DAB1: variants seen among roughly 807,000 people sequenced by gnomAD.
DAB1 encodes disabled homolog 1.
Under a neutral mutation model 64.6 loss-of-function variants are expected in DAB1, and 15 were observed. The ratio of observed to expected loss-of-function variants is 0.23; its 90% CI spans 0.16 to 0.36. The LOEUF is 0.36. DAB1 is among the 10% of genes least tolerant of loss of function. The pLI is 1.00. For missense variants in DAB1, 596 were observed against 706.7 expected, an observed-to-expected ratio of 0.84 and a Z score of 1.78; for synonymous variants, 235 against 251.9, an observed-to-expected ratio of 0.93 and a Z score of 0.64.
Position 57,071,570 on chromosome 1 carries a change from T to C in DAB1, c.510A>G (p.Leu170=). The C allele has an allele frequency of 6.2e-7, 1 of 1,613,986 alleles. No homozygotes were observed. The highest frequency in any genetic ancestry group is 8.5e-7 in the Non-Finnish European group (1 of 1,179,912). The change falls in exon 6 of 15, where the codon TTA becomes TTG. Residue 170 remains leucine (L), a synonymous_variant. Coordinates refer to ENST00000371236, the MANE Select transcript of DAB1 (RefSeq NM_001365792.1). ...LIYELKQREE[L]EKKAQKDKQC... ...GCTTATCCTTTTGTGCCTTTTTTTC[T>C]AATTCTTCTCTTTGCTTCAATTCAT...
chr1:57,153,608 A>T lies in DAB1; in HGVS notation c.68-8179T>A, dbSNP rs537292953. Among the ~76,000 whole-genome samples the T allele has an allele frequency of 1.5e-4, 21 of 143,134 alleles. 1 individual carries two copies. The South Asian group carries it at 4.5e-3, about 30-fold the overall frequency. 93.9% of individuals were successfully genotyped at this position (143,134 alleles called of 152,430 possible). On this transcript the variant is annotated intron_variant, in intron 2 of 14. Transcript: ENST00000371236. ...ATTTTAATTTTTCTGGTTACATAGT[A>T]GGTATATGTATGGGGTTTTTTTTTT...
intron 4 of DAB1, among the ~76,000 whole-genome samples, chr1:58,291,940 A>G (rs190137150): frequency 5.9e-4 from 90 of 152,336 alleles, no homozygotes; most frequent in Non-Finnish European, 1.0e-3. Context: ...GGATGAGATT[A>G]TCATCTGGAT....
intron 6 of DAB1, among the ~76,000 whole-genome samples, chr1:57,741,174 G>T (rs540240410): frequency 6.6e-6 from 1 of 151,964 alleles, no homozygotes; most frequent in South Asian, 2.1e-4. Flanking sequence ...GTCTACAGAA[G>T]GTATAAAGTC....
At chr1:58,477,159 G>A (rs555475184) in intron 3 of DAB1, among the ~76,000 whole-genome samples, 13 of 152,206 alleles carry the variant, frequency 8.5e-5, no homozygotes, top group African/African-American at 1.2e-4. Flanking sequence ...TCTCCCCTAC[G>A]AGTAAATGAT....
chr1:57,441,332 C>CT (rs1553182305), intron 7 of DAB1, among the ~76,000 whole-genome samples: 1 of 69,342 alleles, frequency 1.4e-5, no homozygotes, highest in South Asian at 5.5e-4. Context: ...TTTCCTCCTT[C>CT]TTCTTTCTTT....
At chr1:57,871,821 G>A (rs1643955001) in intron 1 of DAB1, among the ~76,000 whole-genome samples, 1 of 152,074 alleles carries the variant, frequency 6.6e-6, no homozygotes, top group African/African-American at 2.4e-5. Context: ...ATACATGTAT[G>A]GGTATGTGTG....
intron 5 of DAB1, among the ~76,000 whole-genome samples, chr1:57,918,789 A>C (rs969530113): frequency 2.0e-5 from 3 of 151,852 alleles, no homozygotes; most frequent in Non-Finnish European, 4.4e-5. Flanking sequence ...ATGCGACTGC[A>C]CTCCAGCCTG....
chr1:57,117,746 A>G (rs1048172779), intron 4 of DAB1, among the ~76,000 whole-genome samples: 2 of 152,180 alleles, frequency 1.3e-5, no homozygotes, highest in East Asian at 3.8e-4. Flanking sequence ...TATTGGGTCT[A>G]GGTGCTGTTA....
intron 5 of DAB1, among the ~76,000 whole-genome samples, chr1:58,128,917 T>C (rs1653325267): frequency 6.7e-6 from 1 of 148,658 alleles, no homozygotes; most frequent in African/African-American, 2.5e-5. Flanking sequence ...TCTAAAATTC[T>C]CTTTTTTGGT....
rs77839578 is a variant in DAB1 at position 58,098,212 on chromosome 1, C to T, written n.387+52299G>A. On this transcript the variant is annotated intron_variant and non_coding_transcript_variant, in intron 5 of 20. Coordinates refer to the DAB1 transcript ENST00000485760. ...CAGCATTCAGGATCTCAGCAGGAAACGGATGGCACACTCAAATTGGGTAAC... is the reference window on the plus strand; with the variant it reads ...CAGCATTCAGGATCTCAGCAGGAAATGGATGGCACACTCAAATTGGGTAAC... 7.5e-4 allele frequency among the ~76,000 whole-genome samples: 114 copies of T among 152,236 alleles called. No individual in the cohort carries two copies. In the East Asian group the frequency reaches 0.018, roughly 23 times the overall value.
At chr1:58,396,338 T>C (rs338926) in intron 3 of DAB1, among the ~76,000 whole-genome samples, 111,241 of 151,856 alleles carry the variant, frequency 0.73, 42,097 homozygotes, top group African/African-American at 0.94. Flanking sequence ...ACCAAAGTGT[T>C]TCTCATTGTT....
intron 1 of DAB1, among the ~76,000 whole-genome samples, chr1:57,868,646 C>A (rs1411852010): frequency 1.3e-5 from 2 of 152,094 alleles, no homozygotes; most frequent in Non-Finnish European, 2.9e-5. Flanking sequence ...CAGTTGAGAA[C>A]CACTGCAGTA....
intron 4 of DAB1, among the ~76,000 whole-genome samples, chr1:58,266,237 T>C (rs1272839832): frequency 6.6e-6 from 1 of 152,212 alleles, no homozygotes; most frequent in Non-Finnish European, 1.5e-5. Flanking sequence ...CATCCTACCT[T>C]CTTTGCAGCT....
At chr1:58,529,091 G>T (rs906091795) in intron 1 of DAB1, among the ~76,000 whole-genome samples, 1 of 152,084 alleles carries the variant, frequency 6.6e-6, no homozygotes, top group Non-Finnish European at 1.5e-5. Context: ...TTCAAAATAT[G>T]AGATCCTACA....
intron 7 of DAB1, among the ~76,000 whole-genome samples, chr1:57,517,891 T>G (rs1339494329): frequency 1.3e-5 from 2 of 152,192 alleles, no homozygotes; most frequent in African/African-American, 4.8e-5. Context: ...TGAAAGCAAC[T>G]TAAAGGCCTT....
intron 6 of DAB1, among the ~76,000 whole-genome samples, chr1:57,817,669 T>C (rs1651930933): frequency 2.0e-5 from 3 of 152,178 alleles, no homozygotes; most frequent in African/African-American, 7.2e-5. Flanking sequence ...AGTGTGTGAA[T>C]CAGAAATGAG....
chr1:57,125,290 C>T (rs530955309), intron 4 of DAB1, among the ~76,000 whole-genome samples: 1 of 152,262 alleles, frequency 6.6e-6, no homozygotes, highest in African/African-American at 2.4e-5. Flanking sequence ...TGGCAGGGCA[C>T]AGGATAAATG....
At chr1:57,312,021 C>T (rs373723643) in intron 1 of DAB1, among the ~76,000 whole-genome samples, 5 of 152,166 alleles carry the variant, frequency 3.3e-5, no homozygotes, top group South Asian at 2.1e-4. Context: ...GCAAGGGAGG[C>T]GGAGGTATCT....
intron 1 of DAB1, chr1:58,530,850 C>T (rs1230163431): frequency 6.6e-6 from 4 of 608,808 alleles, no homozygotes; most frequent in African/African-American, 3.7e-5. Context: ...TGAGAGTTCT[C>T]TTTTTCTTCT....
Sources: allele counts gnomAD v4.1 joint callset (sites outside exome capture counted in the v4.1 genomes callset), GRCh38; gene constraint gnomAD v4.1.1; transcripts MANE v1.5; gene names NCBI Gene and HGNC (gene_info 2026-07-23, HGNC 2026-07-21).